Variants in ABCB5 observed in about 807,000 individuals in gnomAD.
ABCB5 encodes the protein ATP binding cassette subfamily B member 5.
In ABCB5, 155 loss-of-function variants were observed where a neutral mutation model predicts 144.2. The observed-to-expected ratio is 1.08, with a 90% CI of 0.94 to 1.23. The LOEUF is 1.23. ABCB5 is among the 50% of genes most tolerant of loss of function. The pLI, the probability that ABCB5 is intolerant of heterozygous loss-of-function variation, is 0.00. For synonymous variants in ABCB5, 610 were observed against 528.6 expected (o/e 1.15, Z -2.11); for missense variants, 1,830 against 1,520.8 (o/e 1.20, Z -3.38).
At chr7:20,667,943 T>C (rs1785263540) in intron 14 of ABCB5, among the ~76,000 whole-genome samples, 2 of 115,638 alleles carry the variant, frequency 1.7e-5, no homozygotes, top group Admixed American at 8.9e-5. Context: ...CGGGCTGGTC[T>C]CCAGCTCCTA....
chr7:20,720,964 A>T (rs1781847918), intron 20 of ABCB5, among the ~76,000 whole-genome samples: 1 of 151,178 alleles, frequency 6.6e-6, no homozygotes, highest in African/African-American at 2.4e-5. Context: ...AAAAAAAAAA[A>T]AAAGAATGAA....
intron 20 of ABCB5, among the ~76,000 whole-genome samples, chr7:20,717,018 T>G (rs1444911493): frequency 2.0e-5 from 3 of 152,104 alleles, no homozygotes; most frequent in Non-Finnish European, 2.9e-5. Context: ...TTACCCGACC[T>G]GAACGCCACA....
chr7:20,681,032 T>TTCTCTTTCTTTCTTTCTCTCTCTC (rs1785790138), intron 14 of ABCB5, among the ~76,000 whole-genome samples: 1 of 28,388 alleles, frequency 3.5e-5, no homozygotes, highest in Non-Finnish European at 6.4e-5. Flanking sequence ...CTTTCTTTCT[T>TTCTCTTTCTTTCTTTCTCTCTCTC]TCTCTTTCTT....
chr7:20,685,088 T>G (rs1785950845), intron 15 of ABCB5, among the ~76,000 whole-genome samples: 1 of 152,178 alleles, frequency 6.6e-6, no homozygotes, highest in Admixed American at 6.5e-5. Flanking sequence ...TGGCCTGAAG[T>G]GATCCGCACG....
At chr7:20,686,981 C>T (rs1786023891) in intron 16 of ABCB5, among the ~76,000 whole-genome samples, 1 of 152,154 alleles carries the variant, frequency 6.6e-6, no homozygotes, top group Admixed American at 6.5e-5. Flanking sequence ...ATGTGGTCCT[C>T]TATAGCCATT....
rs1167593689 is a variant in ABCB5, at chr7:20,651,380, T to G, written c.1333-40T>G. On this transcript the variant is annotated intron_variant, in intron 12 of 27. Transcript: ENST00000404938. ...ATGAAAAACCCTAAAATCAATACAG[T>G]AAAAGGCATCACAACATGGTTCATT... 3 of 1,606,042 alleles carry G rather than the reference T, an allele frequency of 1.9e-6. No homozygotes were observed. In the East Asian group the frequency reaches 6.7e-5, roughly 36 times the overall value.
intron 23 of ABCB5, among the ~76,000 whole-genome samples, chr7:20,729,085 G>A (rs1432193539): frequency 1.3e-5 from 2 of 152,090 alleles, no homozygotes; most frequent in Non-Finnish European, 1.5e-5. Context: ...ATATATTTAT[G>A]GGGTACAATG....
rs144527025 is a variant in ABCB5, at chr7:20,650,101, C to T, written c.1286C>T (p.Thr429Met). 2.8e-4 allele frequency: 449 copies of T among 1,613,538 alleles called. 3 individuals carry two copies. In the African/African-American group the frequency reaches 4.3e-3, roughly 16 times the overall value. Reference sequence around the variant, plus strand: ...GGTCTCAATGGCAGTGGGAAGAGTACGGTAGTCCAGCTTCTGCAGAGGTTA... The same window carrying T: ...GGTCTCAATGGCAGTGGGAAGAGTATGGTAGTCCAGCTTCTGCAGAGGTTA... ...LVGLNGSGKSTVVQLLQRLYD... is the reference protein window; with the variant it reads ...LVGLNGSGKSMVVQLLQRLYD... The change falls in exon 12 of 28, where the codon ACG (threonine) becomes ATG (methionine). Residue 429 changes from threonine (T) to methionine (M), a missense_variant. Transcript: ENST00000404938.
chr7:20,663,713 C>A (rs1299164532), intron 14 of ABCB5, among the ~76,000 whole-genome samples: 1 of 107,528 alleles, frequency 9.3e-6, no homozygotes, highest in East Asian at 2.6e-4. Context: ...TTATGTTAGG[C>A]TTTTTTTTTT....
intron 14 of ABCB5, among the ~76,000 whole-genome samples, chr7:20,668,473 A>G (rs1393541891): frequency 6.9e-6 from 1 of 145,382 alleles, no homozygotes; most frequent in Non-Finnish European, 1.5e-5. Flanking sequence ...AAGCGAGGAA[A>G]CCCTCTGCCT....
rs187609093 is a variant in ABCB5 at position 20,666,921 on chromosome 7, C to A, written c.1707+8245C>A. On this transcript the variant is annotated intron_variant, in intron 14 of 27. Transcript: ENST00000404938. ...TTTTCCTGATCAGTTTTTTAGCAGG[C>A]TTTGGCTGCCAAAATCTCTTCTGTG... 6.4e-6 allele frequency: 8 copies of A among 1,243,416 alleles called. No individual in the cohort carries two copies. The African/African-American group carries it at 9.3e-5, about 14-fold the overall frequency. The allele number at this position is 1,243,416 out of a possible 1,614,324, so 77.0% of individuals were successfully genotyped here.
chr7:20,722,953 A>G (rs1002591088), intron 20 of ABCB5, 63 bp from the exon 21 acceptor site: 6 of 1,461,228 alleles, frequency 4.1e-6, no homozygotes, highest in Non-Finnish European at 5.7e-6. Context: ...AGGAACTATA[A>G]TAGGAACTCT....
At chr7:20,654,879 G>C (rs6958496) in intron 13 of ABCB5, among the ~76,000 whole-genome samples, 13,443 of 151,952 alleles carry the variant, frequency 0.088, 662 homozygotes, top group East Asian at 0.16. Flanking sequence ...AAAGAAAAAA[G>C]ATCTACAGTC....
intron 21 of ABCB5, among the ~76,000 whole-genome samples, chr7:20,725,970 G>T (rs1782023061): frequency 6.6e-6 from 1 of 152,104 alleles, no homozygotes; most frequent in Non-Finnish European, 1.5e-5. Flanking sequence ...TTCAGAGAAG[G>T]CCAAGTGTCT....
At chr7:20,752,368 C>T (rs989318751) in intron 26 of ABCB5, among the ~76,000 whole-genome samples, 2 of 152,188 alleles carry the variant, frequency 1.3e-5, no homozygotes, top group African/African-American at 4.8e-5. Flanking sequence ...CCCAACTGTA[C>T]TGACCAATTG....
intron 14 of ABCB5, among the ~76,000 whole-genome samples, chr7:20,669,800 T>C (rs951088279): frequency 6.0e-5 from 7 of 115,740 alleles, no homozygotes; most frequent in Non-Finnish European, 1.4e-4. Context: ...ATTAAATAAA[T>C]ATGAGCCAGT....
At chr7:20,677,042 A>G (rs1785637822) in intron 14 of ABCB5, among the ~76,000 whole-genome samples, 1 of 152,218 alleles carries the variant, frequency 6.6e-6, no homozygotes. Flanking sequence ...TAATTATTAT[A>G]GTTACATCCA....
intron 26 of ABCB5, among the ~76,000 whole-genome samples, chr7:20,745,853 C>T (rs140575689): frequency 3.3e-5 from 5 of 152,308 alleles, no homozygotes; most frequent in Admixed American, 1.3e-4. Flanking sequence ...TCACAACTGC[C>T]TCATGGCTCC....
At chr7:20,671,418 TAGTC>T (rs1169802437) in intron 14 of ABCB5, among the ~76,000 whole-genome samples, 1 of 152,232 alleles carries the variant, frequency 6.6e-6, no homozygotes, top group African/African-American at 2.4e-5. Context: ...AAAATCTAGA[TAGTC>T]AGCCATACTT....
Sources: allele counts gnomAD v4.1 joint callset (sites outside exome capture counted in the v4.1 genomes callset), GRCh38; gene constraint gnomAD v4.1.1; transcripts MANE v1.5; gene names NCBI Gene and HGNC (gene_info 2026-07-23, HGNC 2026-07-21).